CD84: variants seen among roughly 807,000 people sequenced by gnomAD.
The protein encoded by CD84 is CD84 molecule.
Under a neutral mutation model 33.8 loss-of-function variants are expected in CD84, and 22 were observed. The observed-to-expected ratio is 0.65, with a 90% CI of 0.46 to 0.93. The LOEUF is 0.93. CD84 is among the 40% of genes least tolerant of loss of function. CD84 has a pLI of 0.00. For missense variants in CD84, 400 were observed against 397.6 expected (o/e 1.01, Z -0.05); for synonymous variants, 154 against 145.2 (o/e 1.06, Z -0.44).
At chr1:160,570,311 G>T (rs1034972776) in intron 1 of CD84, among the ~76,000 whole-genome samples, 1 of 152,164 alleles carries the variant, frequency 6.6e-6, no homozygotes, top group Non-Finnish European at 1.5e-5. Context: ...GTAAGCTCTT[G>T]GAATGATGGA....
At chr1:160,556,356 T>C (rs1390980042) in intron 2 of CD84, among the ~76,000 whole-genome samples, 1 of 152,252 alleles carries the variant, frequency 6.6e-6, no homozygotes, top group Non-Finnish European at 1.5e-5. Context: ...TACAGATTCA[T>C]GGAGCTTCAG....
intron 1 of CD84, among the ~76,000 whole-genome samples, chr1:160,574,294 G>C (rs1482398034): frequency 6.6e-6 from 1 of 152,092 alleles, no homozygotes; most frequent in Admixed American, 6.5e-5. Context: ...ACAAGAATCA[G>C]ATGGCTAACT....
intron 1 of CD84, among the ~76,000 whole-genome samples, chr1:160,572,543 G>T (rs1284618125): frequency 6.6e-6 from 1 of 151,908 alleles, no homozygotes; most frequent in Non-Finnish European, 1.5e-5. Context: ...ACATATAAAT[G>T]GTAGTTGCTA....
rs1553231403 is a variant in CD84 at position 160,549,903 on chromosome 1, C to T, written c.921+14G>A. 3.8e-6 allele frequency: 6 copies of T among 1,599,878 alleles called. No individual in the cohort carries two copies. The highest frequency in any genetic ancestry group is 3.3e-4 in the Middle Eastern group (2 of 6,038). Reference sequence around the variant, plus strand: ...AGTTAGGAAAGCAAGGATAAAAAGCCAGAAAGGGGTTACCTTATCAGCAAA... The same window carrying T: ...AGTTAGGAAAGCAAGGATAAAAAGCTAGAAAGGGGTTACCTTATCAGCAAA... On this transcript the variant is annotated intron_variant, in intron 6 of 6. Coordinates refer to ENST00000368054, the MANE Select transcript of CD84 (RefSeq NM_003874.4).
In CD84 at chr1:160,565,700, C is replaced by T. The variant is rs779629800; in HGVS notation, c.92G>A (p.Gly31Glu). 2.5e-6 allele frequency: 4 copies of T among 1,612,996 alleles called. No individual in the cohort carries two copies. Among genetic ancestry groups the T allele is most frequent in the Admixed American group, 3.3e-5 (2 of 59,830 alleles). ...GAAAGTGACTGACTCTCCCAGAATC[C>T]CATTCACTGTGAAGATTTCTGAGTC... Reference protein sequence around the residue: ...GKDSEIFTVNGILGESVTFPV... With the variant: ...GKDSEIFTVNEILGESVTFPV... Residue 31 changes from glycine to glutamate, a missense_variant, in exon 2 of 7, where the codon GGG becomes GAG. By Grantham distance (98) the Gly-to-Glu change is moderately conservative. Transcript: ENST00000368054.
chr1:160,560,649 C>A (rs1216011455), intron 2 of CD84, among the ~76,000 whole-genome samples: 1 of 151,968 alleles, frequency 6.6e-6, no homozygotes, highest in Non-Finnish European at 1.5e-5. Flanking sequence ...AAGATCAGGG[C>A]TGAACTGAAG....
In CD84 at chr1:160,549,905, G is replaced by C. The variant is rs767930987; in HGVS notation, c.921+12C>G. 1 of 1,602,756 alleles carries C rather than the reference G, an allele frequency of 6.2e-7. No individual in the cohort carries two copies. The highest frequency in any genetic ancestry group is 1.3e-5 in the African/African-American group (1 of 74,800). On this transcript the variant is annotated intron_variant, in intron 6 of 6. Transcript: ENST00000368054. ...TTAGGAAAGCAAGGATAAAAAGCCA[G>C]AAAGGGGTTACCTTATCAGCAAACT...
intron 1 of CD84, among the ~76,000 whole-genome samples, chr1:160,567,397 C>T (rs780937375): frequency 9.9e-5 from 15 of 152,102 alleles, no homozygotes; most frequent in African/African-American, 1.9e-4. Context: ...GAGATTTTCC[C>T]GTAGGAGCAG....
At chr1:160,566,348 G>A (rs1343034088) in intron 1 of CD84, among the ~76,000 whole-genome samples, 1 of 152,130 alleles carries the variant, frequency 6.6e-6, no homozygotes, top group Non-Finnish European at 1.5e-5. Context: ...GCCTAACACA[G>A]AGAAGGGGCT....
Position 160,553,980 on chromosome 1 carries a change from C to T in CD84, c.555G>A (p.Glu185=), listed in dbSNP as rs774903912. ...GNVLQIFQTP[E]DQELTYTCTA... ...TACACGTGTAAGTCAGCTCTTGGTC[C>T]TCAGGAGTCTGGAAGATTTGAAGGA... The change falls in exon 3 of 7, where the codon GAG becomes GAA. Residue 185 remains glutamate (E), a synonymous_variant. Transcript: ENST00000368054. 7 of 1,614,064 alleles carry T rather than the reference C, an allele frequency of 4.3e-6. No homozygotes were observed. The African/African-American group carries it at 8.0e-5, about 18-fold the overall frequency.
intron 1 of CD84, among the ~76,000 whole-genome samples, chr1:160,573,892 C>T (rs1435280572): frequency 6.6e-6 from 1 of 151,968 alleles, no homozygotes; most frequent in East Asian, 1.9e-4. Context: ...TGAACACCAG[C>T]CTGGGAAACA....
chr1:160,564,148 T>C (rs1325073427), intron 2 of CD84, among the ~76,000 whole-genome samples: 1 of 152,192 alleles, frequency 6.6e-6, no homozygotes, highest in Non-Finnish European at 1.5e-5. Flanking sequence ...GTGGCAATTA[T>C]AATGATGATA....
At chr1:160,561,833 A>T (rs1656992444) in intron 2 of CD84, among the ~76,000 whole-genome samples, 1 of 152,172 alleles carries the variant, frequency 6.6e-6, no homozygotes, top group African/African-American at 2.4e-5. Context: ...TACAAAATCA[A>T]TGGGCAAAAA....
At chr1:160,572,706 CA>C (rs1284779500) in intron 1 of CD84, among the ~76,000 whole-genome samples, 1 of 152,100 alleles carries the variant, frequency 6.6e-6, no homozygotes, top group Non-Finnish European at 1.5e-5. Context: ...CAACCTTTTC[CA>C]AAGAGTGTGA....
At chr1:160,552,281 G>A (rs115687880) in intron 4 of CD84, among the ~76,000 whole-genome samples, 1 of 152,314 alleles carries the variant, frequency 6.6e-6, no homozygotes, top group African/African-American at 2.4e-5. Flanking sequence ...CAGATCACCT[G>A]TGGTTCAAGC....
At position 160,565,486 on chromosome 1, in the gene CD84, T is replaced by A; in HGVS notation, c.306A>T (p.Glu102Asp). The A allele has an allele frequency of 1.9e-6, 3 of 1,613,980 alleles. No homozygotes were observed. Among genetic ancestry groups the A allele is most frequent in the Non-Finnish European group, 1.7e-6 (2 of 1,179,910 alleles). Residue 102 changes from glutamate to aspartate, a missense_variant, in exon 2 of 7, where the codon GAA (glutamate) becomes GAT (aspartate). Transcript: ENST00000368054. The part of the protein sequence containing the change: ...YNLVISDLRM[E>D]DAGDYKADIN... ...TGTCTGCTTTGTAGTCTCCTGCGTCTTCCATCCTCAGATCGCTAATGACCA... is the reference window on the plus strand; with the variant it reads ...TGTCTGCTTTGTAGTCTCCTGCGTCATCCATCCTCAGATCGCTAATGACCA...
At chr1:160,558,649 G>C (rs1207471969) in intron 2 of CD84, among the ~76,000 whole-genome samples, 1 of 152,202 alleles carries the variant, frequency 6.6e-6, no homozygotes, top group East Asian at 1.9e-4. Flanking sequence ...TGGCTGCATT[G>C]ACAGAAGTAG....
chr1:160,558,096 G>A (rs1477448092), intron 2 of CD84, among the ~76,000 whole-genome samples: 6 of 152,218 alleles, frequency 3.9e-5, no homozygotes, highest in African/African-American at 1.4e-4. Flanking sequence ...AAGGAAGGGA[G>A]CCTCCAATGC....
In CD84 at chr1:160,545,625, A is replaced by G. The variant is rs1655786958; in HGVS notation, c.*2631T>C. On this transcript the variant is annotated 3_prime_UTR_variant, in exon 7 of 7. Coordinates refer to ENST00000368054, the MANE Select transcript of CD84 (RefSeq NM_003874.4). ...CCTCTGATGTATGCATCCTGATATT[A>G]TTTTATTTTATTTTTATTTTTTGAG... is the stretch of plus-strand genomic sequence containing the variant. 3 of 151,782 alleles carry G rather than the reference A, an allele frequency of 2.0e-5. No homozygotes were observed. In the South Asian group the frequency reaches 6.2e-4, roughly 32 times the overall value. 9.4% of individuals were successfully genotyped at this position (151,782 alleles called of 1,614,324 possible). A position where few individuals can be genotyped will look rare whatever the true frequency, so the allele number is the denominator to read the frequency against.
Sources: gnomAD v4.1 joint callset for allele counts (sites outside exome capture counted in the v4.1 genomes callset) on GRCh38, gnomAD v4.1.1 for gene constraint, MANE v1.5 for transcripts, NCBI Gene and HGNC (gene_info 2026-07-23, HGNC 2026-07-21) for gene names.